DSCAM: variants seen among roughly 807,000 people sequenced by gnomAD.
DSCAM encodes the protein cell adhesion molecule DSCAM.
DSCAM carries 47 observed loss-of-function variants against 217.7 expected under a neutral mutation model. The observed-to-expected ratio is 0.22, with a 90% CI of 0.17 to 0.28. The LOEUF is 0.28. Among genes scored for constraint, DSCAM ranks in the 10% least tolerant of loss-of-function variants. The pLI is 1.00. For synonymous variants in DSCAM, 1,056 were observed against 1,015.3 expected, an observed-to-expected ratio of 1.04 and a Z score of -0.76; for missense variants, 2,080 against 2,618.3, an observed-to-expected ratio of 0.79 and a Z score of 4.49.
chr21:40,150,325 A>G (rs1412795444), intron 16 of DSCAM, among the ~76,000 whole-genome samples: 1 of 152,258 alleles, frequency 6.6e-6, no homozygotes, highest in African/African-American at 2.4e-5. Flanking sequence ...GGAAAATTTA[A>G]TAGATCACAT....
intron 3 of DSCAM, among the ~76,000 whole-genome samples, chr21:40,478,773 G>A (rs775971437): frequency 1.3e-5 from 2 of 152,098 alleles, no homozygotes; most frequent in East Asian, 3.9e-4. Context: ...ACCCCCAATG[G>A]ATGCCTGAAA....
At chr21:40,112,691 G>C (rs947344419) in intron 20 of DSCAM, among the ~76,000 whole-genome samples, 15 of 152,138 alleles carry the variant, frequency 9.9e-5, no homozygotes, top group Admixed American at 3.9e-4. Flanking sequence ...AAGAAGAAAA[G>C]AGAGAAGAAT....
chr21:40,634,825 GA>G (rs1339479024), intron 3 of DSCAM, among the ~76,000 whole-genome samples: 1 of 152,156 alleles, frequency 6.6e-6, no homozygotes, highest in Admixed American at 6.5e-5. Context: ...CCACCTCTCA[GA>G]AACCTTCACC....
intron 3 of DSCAM, among the ~76,000 whole-genome samples, chr21:40,600,184 C>A (rs2077051821): frequency 6.6e-6 from 1 of 152,196 alleles, no homozygotes; most frequent in East Asian, 1.9e-4. Context: ...TGAAGGAAGT[C>A]AAACTATCTT....
At chr21:40,277,419 T>C (rs193202153) in intron 10 of DSCAM, among the ~76,000 whole-genome samples, 112 of 152,210 alleles carry the variant, frequency 7.4e-4, no homozygotes. Context: ...TCACTCGAGC[T>C]CACAATGGCA....
chr21:40,493,879 A>AAT (rs1555845574), intron 3 of DSCAM, among the ~76,000 whole-genome samples: 6,462 of 135,190 alleles, frequency 0.048, 244 homozygotes, highest in South Asian at 0.13. Context: ...AAAAAAAAAA[A>AAT]ATATATACAT....
chr21:40,014,109 C>G (rs2146404905), intron 32 of DSCAM, among the ~76,000 whole-genome samples: 1 of 152,330 alleles, frequency 6.6e-6, no homozygotes, highest in African/African-American at 2.4e-5. Flanking sequence ...CATCTGCTGG[C>G]TGGGCACGGT....
chr21:40,714,587 TC>T (rs2090821132), intron 1 of DSCAM, among the ~76,000 whole-genome samples: 1 of 152,218 alleles, frequency 6.6e-6, no homozygotes, highest in African/African-American at 2.4e-5. Context: ...GGAATGTCCA[TC>T]CTGTTCCTGT....
chr21:40,142,430 G>T, intron 18 of DSCAM, 128 bp downstream of exon 18: 1 of 996,284 alleles, frequency 1.0e-6, no homozygotes, highest in Non-Finnish European at 1.4e-6. Flanking sequence ...ACAGAAAAGG[G>T]GAAAGTGTCT....
intron 3 of DSCAM, among the ~76,000 whole-genome samples, chr21:40,690,725 T>C (rs1296521422): frequency 6.6e-6 from 1 of 152,206 alleles, no homozygotes; most frequent in Non-Finnish European, 1.5e-5. Flanking sequence ...ATAAAGTCTG[T>C]TCACAGAGAT....
At chr21:40,840,494 C>T (rs2092091631) in intron 1 of DSCAM, among the ~76,000 whole-genome samples, 1 of 152,150 alleles carries the variant, frequency 6.6e-6, no homozygotes. Flanking sequence ...GCAGCGTACA[C>T]TTGAGAACAA....
At chr21:40,108,392 C>G (rs563412153) in intron 20 of DSCAM, among the ~76,000 whole-genome samples, 1 of 152,268 alleles carries the variant, frequency 6.6e-6, no homozygotes, top group Admixed American at 6.5e-5. Flanking sequence ...GGAATAAACT[C>G]CCATTCACAA....
At position 40,395,337 on chromosome 21, in the gene DSCAM, AT is replaced by A. The variant is rs569318254; in HGVS notation, c.509-26093del. Among the ~76,000 whole-genome samples, 981 of 145,148 alleles carry A rather than the reference AT, an allele frequency of 6.8e-3. 12 individuals are homozygous for A. The highest frequency in any genetic ancestry group is 0.02 in the African/African-American group (786 of 39,868). ...AGGTCTATTTTTACTTTCCTTCTGT[AT>A]TTTTTTTTTTCTTTTAGATCAAAAA... On this transcript the variant is annotated intron_variant, in intron 3 of 32. Coordinates refer to ENST00000400454, the MANE Select transcript of DSCAM (RefSeq NM_001389.5).
intron 17 of DSCAM, among the ~76,000 whole-genome samples, 184 bp from the exon 18 acceptor site, chr21:40,142,888 T>C (rs906384599): frequency 2.0e-5 from 3 of 152,216 alleles, no homozygotes; most frequent in African/African-American, 7.2e-5. Context: ...CAGTGCTCAG[T>C]AAAATATCAT....
At chr21:40,665,397 G>C (rs1030288942) in intron 3 of DSCAM, among the ~76,000 whole-genome samples, 1 of 152,196 alleles carries the variant, frequency 6.6e-6, no homozygotes, top group South Asian at 2.1e-4. Flanking sequence ...CTCTGAGCAG[G>C]CTGTTGTGGA....
intron 15 of DSCAM, among the ~76,000 whole-genome samples, chr21:40,175,811 A>ACACACACACG (rs1555886115): frequency 1.6e-4 from 20 of 127,552 alleles, no homozygotes; most frequent in African/African-American, 3.4e-4. Flanking sequence ...ACACACACGC[A>ACACACACACG]CACACACACA....
chr21:40,282,293 G>A (rs892951991), intron 10 of DSCAM, among the ~76,000 whole-genome samples: 3 of 152,016 alleles, frequency 2.0e-5, no homozygotes, highest in Admixed American at 6.6e-5. Flanking sequence ...ATAACTATAA[G>A]ATAGGTAATC....
At chr21:40,669,895 C>A (rs1281865228) in intron 3 of DSCAM, among the ~76,000 whole-genome samples, 1 of 151,476 alleles carries the variant, frequency 6.6e-6, no homozygotes, top group East Asian at 1.9e-4. Context: ...TTTAAGCCTA[C>A]AATATACTTT....
intron 1 of DSCAM, among the ~76,000 whole-genome samples, chr21:40,711,254 G>A (rs2090776872): frequency 6.6e-6 from 1 of 152,156 alleles, no homozygotes; most frequent in African/African-American, 2.4e-5. Flanking sequence ...GTGGAGCTGA[G>A]GGGTTACAGG....
Sources: allele counts gnomAD v4.1 joint callset (sites outside exome capture counted in the v4.1 genomes callset), GRCh38; gene constraint gnomAD v4.1.1; transcripts MANE v1.5; gene names NCBI Gene and HGNC (gene_info 2026-07-23, HGNC 2026-07-21).